CNTN1: variants seen among roughly 807,000 people sequenced by gnomAD.
CNTN1 encodes contactin-1.
A neutral mutation model predicts 126.4 loss-of-function variants in CNTN1; 38 were observed. That is an observed-to-expected ratio of 0.30 (90% confidence interval 0.23 to 0.39). The LOEUF is 0.39. Ranked by LOEUF, CNTN1 falls within the 10% of genes least tolerant of loss-of-function variation. The pLI, the probability that CNTN1 is intolerant of heterozygous loss-of-function variation, is 1.00. For synonymous variants in CNTN1, 413 were observed against 422.6 expected (o/e 0.98, Z 0.28); for missense variants, 1,009 against 1,248.4 (o/e 0.81, Z 2.89).
intron 1 of CNTN1, among the ~76,000 whole-genome samples, chr12:40,845,377 G>A (rs1370820970): frequency 1.3e-5 from 2 of 152,150 alleles, no homozygotes; most frequent in Admixed American, 6.5e-5. Flanking sequence ...GACAATGCAA[G>A]AAGAATGAAC....
intron 21 of CNTN1, 62 bp downstream of exon 21, chr12:41,025,398 G>T (rs901294677): frequency 6.6e-7 from 1 of 1,516,390 alleles, no homozygotes; most frequent in Non-Finnish European, 9.1e-7. Flanking sequence ...ATCATGATAC[G>T]AATATATTTG....
In CNTN1 at chr12:40,714,325, G is replaced by A. The variant is rs1941996726; in HGVS notation, c.-77+21733G>A. 2.6e-5 allele frequency among the ~76,000 whole-genome samples: 4 copies of A among 152,164 alleles called. No individual in the cohort carries two copies. The South Asian group carries it at 8.3e-4, about 32-fold the overall frequency. ...ATCAATGGGTTGCTGGATAGTAACTGTAAATCTTACACAAATGATCCCATA... is the reference window on the plus strand; with the variant it reads ...ATCAATGGGTTGCTGGATAGTAACTATAAATCTTACACAAATGATCCCATA... On this transcript the variant is annotated intron_variant, in intron 1 of 23. Coordinates refer to ENST00000551295, the MANE Select transcript of CNTN1 (RefSeq NM_001843.4).
chr12:40,795,297 ACACACACACACACACACACACATT>A (rs1940378704), intron 1 of CNTN1, among the ~76,000 whole-genome samples: 1 of 65,930 alleles, frequency 1.5e-5, no homozygotes, highest in Non-Finnish European at 3.3e-5. Context: ...ACACACACAC[ACACACACACACACACACACACATT>A]TTTTTTTTTT....
At chr12:41,018,050 A>G (rs1476176550) in intron 19 of CNTN1, among the ~76,000 whole-genome samples, 1 of 151,824 alleles carries the variant, frequency 6.6e-6, no homozygotes, top group African/African-American at 2.4e-5. Context: ...AGATCAGGCC[A>G]TTGCACTCCA....
At chr12:40,931,020 T>C (rs1156620773) in intron 7 of CNTN1, among the ~76,000 whole-genome samples, 3 of 151,878 alleles carry the variant, frequency 2.0e-5, no homozygotes, top group Non-Finnish European at 1.5e-5. Context: ...TTACTTTTTG[T>C]CTCCATAGCA....
At chr12:40,763,388 G>A (rs1311418554) in intron 1 of CNTN1, among the ~76,000 whole-genome samples, 1 of 152,142 alleles carries the variant, frequency 6.6e-6, no homozygotes, top group Non-Finnish European at 1.5e-5. Context: ...GGAATTTAAG[G>A]GGAGATCTGA....
chr12:40,969,550 C>G (rs1198556122), intron 15 of CNTN1, among the ~76,000 whole-genome samples: 1 of 152,294 alleles, frequency 6.6e-6, no homozygotes, highest in South Asian at 2.1e-4. Flanking sequence ...TTTAACTGTA[C>G]ACTATACTCT....
intron 1 of CNTN1, among the ~76,000 whole-genome samples, chr12:40,715,195 A>C (rs992769994): frequency 7.9e-5 from 12 of 152,130 alleles, no homozygotes; most frequent in Admixed American, 7.2e-4. Flanking sequence ...CTAATTCATT[A>C]GGTCTGGAGT....
intron 14 of CNTN1, among the ~76,000 whole-genome samples, chr12:40,944,874 G>T (rs1946380893): frequency 6.6e-6 from 1 of 151,894 alleles, no homozygotes; most frequent in Non-Finnish European, 1.5e-5. Context: ...CTTTAGAAAA[G>T]CAAACATTTG....
At chr12:41,066,416 A>G (rs1366400185) in intron 23 of CNTN1, among the ~76,000 whole-genome samples, 1 of 152,150 alleles carries the variant, frequency 6.6e-6, no homozygotes, top group African/African-American at 2.4e-5. Flanking sequence ...ATAAGAAAAA[A>G]TTCAGGGCCT....
At chr12:40,750,454 G>C (rs1938363793) in intron 1 of CNTN1, among the ~76,000 whole-genome samples, 1 of 152,008 alleles carries the variant, frequency 6.6e-6, no homozygotes, top group African/African-American at 2.4e-5. Context: ...TGGGTGTGGT[G>C]CTGGTGATAT....
chr12:40,989,935 G>C (rs1948059768), intron 16 of CNTN1, among the ~76,000 whole-genome samples: 1 of 152,028 alleles, frequency 6.6e-6, no homozygotes, highest in South Asian at 2.1e-4. Flanking sequence ...TGGGAAAATA[G>C]ACAGAAAGTG....
chr12:40,936,953 G>C (rs1031045108), intron 10 of CNTN1, 48 bp downstream of exon 10: 1 of 1,608,264 alleles, frequency 6.2e-7, no homozygotes, highest in Admixed American at 1.7e-5. Context: ...TGTTCAAGCA[G>C]TGTTTCAGGG....
chr12:41,051,125 A>C (rs1949665528), intron 23 of CNTN1, among the ~76,000 whole-genome samples: 1 of 150,806 alleles, frequency 6.6e-6, no homozygotes, highest in African/African-American at 2.4e-5. Context: ...CTGTGTTTTT[A>C]GAACATATTG....
At chr12:40,957,478 G>A (rs78292523) in intron 14 of CNTN1, among the ~76,000 whole-genome samples, 14,448 of 149,416 alleles carry the variant, frequency 0.097, 812 homozygotes, top group Non-Finnish European at 0.12. Flanking sequence ...ACCAGTTCCA[G>A]CTCCTTCAGT....
At chr12:41,002,650 C>A (rs541900103) in intron 17 of CNTN1, among the ~76,000 whole-genome samples, 10 of 151,396 alleles carry the variant, frequency 6.6e-5, no homozygotes, top group African/African-American at 2.4e-4. Context: ...CTCTGCCTCC[C>A]GGTTTAACGC....
chr12:40,794,430 G>C (rs1940333255), intron 1 of CNTN1, among the ~76,000 whole-genome samples: 1 of 139,452 alleles, frequency 7.2e-6, no homozygotes, highest in South Asian at 2.3e-4. Context: ...ATTTAATAAT[G>C]AATAACTACT....
chr12:41,043,437 A>C (rs1193620613), intron 23 of CNTN1, among the ~76,000 whole-genome samples: 1 of 152,230 alleles, frequency 6.6e-6, no homozygotes, highest in South Asian at 2.1e-4. Flanking sequence ...TGCAAATGAA[A>C]ACCACAATGA....
intron 1 of CNTN1, among the ~76,000 whole-genome samples, chr12:40,852,278 T>C (rs1942748137): frequency 6.6e-6 from 1 of 152,196 alleles, no homozygotes; most frequent in South Asian, 2.1e-4. Flanking sequence ...TTATAGTTAC[T>C]CAGCCATACT....
Sources: allele counts gnomAD v4.1 joint callset (sites outside exome capture counted in the v4.1 genomes callset), GRCh38; gene constraint gnomAD v4.1.1; transcripts MANE v1.5; gene names NCBI Gene and HGNC (gene_info 2026-07-23, HGNC 2026-07-21).